ATP13A1: variants seen among roughly 807,000 people sequenced by gnomAD.
ATP13A1 encodes endoplasmic reticulum transmembrane helix translocase.
In ATP13A1, 55 loss-of-function variants were observed where a neutral mutation model predicts 134.8. The ratio of observed to expected loss-of-function variants is 0.41; its 90% confidence interval spans 0.33 to 0.51. ATP13A1 has a LOEUF of 0.51. ATP13A1 is among the 20% of genes least tolerant of loss of function. The pLI is 0.29. For missense variants in ATP13A1, 1,389 were observed against 1,652.8 expected, an observed-to-expected ratio of 0.84 and a Z score of 2.77; for synonymous variants, 775 against 725.1, an observed-to-expected ratio of 1.07 and a Z score of -1.10.
At chr19:19,649,294 A>G (rs1222031378) in intron 19 of ATP13A1, among the ~76,000 whole-genome samples, 2 of 152,176 alleles carry the variant, frequency 1.3e-5, no homozygotes, top group Non-Finnish European at 2.9e-5. Context: ...ATCTGGGGCT[A>G]TGAACCATCT....
chr19:19,662,824 A>T (rs1055898681), intron 1 of ATP13A1, among the ~76,000 whole-genome samples: 6 of 152,166 alleles, frequency 3.9e-5, no homozygotes, highest in Non-Finnish European at 8.8e-5. Flanking sequence ...AGAACCAACT[A>T]AGCTTCATAG....
At position 19,655,063 on chromosome 19, in the gene ATP13A1, C is replaced by T. The variant is rs878935364; in HGVS notation, c.1655+56G>A. 37 of 1,602,604 alleles carry T rather than the reference C, an allele frequency of 2.3e-5. No individual in the cohort carries two copies. The highest frequency in any genetic ancestry group is 6.8e-5 in the Admixed American group (4 of 59,002). ...TGGGGTGGATGGGCCACCTGTCTCT[C>T]GACTTCCCAGAAACCCCATCTGGGT... On this transcript the variant is annotated intron_variant, in intron 12 of 25. Coordinates refer to ENST00000357324, the MANE Select transcript of ATP13A1 (RefSeq NM_020410.3). This position sits in a 1 kb window ranked among gnomAD's most constrained non-coding sequence, Gnocchi z 5.7.
Position 19,647,354 on chromosome 19 carries a change from G to C in ATP13A1, c.2909-29C>G, listed in dbSNP as rs2061992558. On this transcript the variant is annotated intron_variant, in intron 21 of 25. Coordinates refer to ENST00000357324, the MANE Select transcript of ATP13A1 (RefSeq NM_020410.3). The surrounding 1 kb of genome is among the most constrained non-coding windows in gnomAD (Gnocchi z 4.8). The stretch of plus-strand genomic sequence containing the variant: ...CAGGGTGGTGGGGAGGCAGGTGTGG[G>C]TGTGGGTAGGGGTGCCAAGGGGGGA... The C allele has an allele frequency of 1.9e-6, 3 of 1,609,342 alleles. No individual in the cohort carries two copies. The African/African-American group carries it at 4.0e-5, about 22-fold the overall frequency.
At chr19:19,662,869 A>G (rs1351580282) in intron 1 of ATP13A1, among the ~76,000 whole-genome samples, 1 of 152,114 alleles carries the variant, frequency 6.6e-6, no homozygotes, top group Non-Finnish European at 1.5e-5. Flanking sequence ...CTCGCCTTAC[A>G]CTTTGAAAAC....
At chr19:19,663,159 G>T in intron 1 of ATP13A1, 112 bp downstream of exon 1, 1 of 1,463,956 alleles carries the variant, frequency 6.8e-7, no homozygotes, top group Non-Finnish European at 9.4e-7. Context: ...GGGAATCCAG[G>T]CCAGGCAGAT....
Position 19,645,293 on chromosome 19 carries a change from TCA to T in ATP13A1, c.*127_*128del. ...AGCGGATGGCTGTGGGGGTCCCAGC[TCA>T]GTCTTCCAAGGGCGAGACTGTACAG... On this transcript the variant is annotated 3_prime_UTR_variant, in exon 26 of 26. Transcript: ENST00000357324. The surrounding 1 kb of genome is among the most constrained non-coding windows in gnomAD (Gnocchi z 4.1). The T allele has an allele frequency of 9.5e-7, 1 of 1,053,782 alleles. No homozygotes were observed. The highest frequency in any genetic ancestry group is 1.4e-6 in the Non-Finnish European group (1 of 725,766). The allele number at this position is 1,053,782 out of a possible 1,614,324, so 65.3% of individuals were successfully genotyped here.
chr19:19,658,588 G>A (rs1450332292), intron 3 of ATP13A1, among the ~76,000 whole-genome samples: 1 of 152,188 alleles, frequency 6.6e-6, no homozygotes, highest in Non-Finnish European at 1.5e-5. Flanking sequence ...TGTTCTGTGG[G>A]TTTCTGGGTT....
intron 22 of ATP13A1, 135 bp from the exon 23 acceptor site, chr19:19,646,482 T>A (rs2061986807): frequency 9.3e-7 from 1 of 1,078,606 alleles, no homozygotes; most frequent in Non-Finnish European, 1.3e-6. Flanking sequence ...GGGGATTCCA[T>A]GGGTCAGCAC....
chr19:19,660,302 C>T (rs567643204), intron 1 of ATP13A1, among the ~76,000 whole-genome samples: 19 of 151,082 alleles, frequency 1.3e-4, no homozygotes, highest in Admixed American at 9.9e-4. Flanking sequence ...GCCAATGTGG[C>T]GAAACCCTGT....
chr19:19,659,510 C>T lies in ATP13A1; in HGVS notation c.677+91G>A. ...AATAGTAAATAAATAAATAAAAGGG[C>T]AGATGCCTCTGTCCCGCTTCCTAGG... On this transcript the variant is annotated intron_variant, in intron 3 of 25. Coordinates refer to ENST00000357324, the MANE Select transcript of ATP13A1 (RefSeq NM_020410.3). The T allele has an allele frequency of 2.7e-6, 2 of 748,208 alleles. 1 individual carries two copies. The highest frequency in any genetic ancestry group is 5.8e-5 in the East Asian group (2 of 34,586). The allele number at this position is 748,208 out of a possible 1,614,324, so 46.3% of individuals were successfully genotyped here.
rs2145008388 is a variant in ATP13A1, at chr19:19,655,065, A to G, written c.1655+54T>C. 3.1e-6 allele frequency: 5 copies of G among 1,605,720 alleles called. No homozygotes were observed. The East Asian group carries it at 1.1e-4, about 36-fold the overall frequency. On this transcript the variant is annotated intron_variant, in intron 12 of 25. Transcript: ENST00000357324. This position sits in a 1 kb window ranked among gnomAD's most constrained non-coding sequence, Gnocchi z 5.7. ...GGGTGGATGGGCCACCTGTCTCTCGACTTCCCAGAAACCCCATCTGGGTGA... is the reference window on the plus strand; with the variant it reads ...GGGTGGATGGGCCACCTGTCTCTCGGCTTCCCAGAAACCCCATCTGGGTGA...
At chr19:19,654,307 T>G (rs2062043411) in intron 13 of ATP13A1, among the ~76,000 whole-genome samples, 163 bp from the exon 14 acceptor site, 1 of 152,102 alleles carries the variant, frequency 6.6e-6, no homozygotes, top group African/African-American at 2.4e-5. Flanking sequence ...AGACCTGGGC[T>G]TGGAGGACCC....
In ATP13A1 at chr19:19,646,574, A is replaced by G. The variant is rs1407040771; in HGVS notation, c.3106-227T>C. 3 of 581,864 alleles carry G rather than the reference A, an allele frequency of 5.2e-6. No homozygotes were observed. The African/African-American group carries it at 5.6e-5, about 11-fold the overall frequency. 36.0% of individuals were successfully genotyped at this position (581,864 alleles called of 1,614,324 possible). ...CCCGGCTCCGCCATCCAGGCTCCCC[A>G]TGGCAGCCACAGGGGCCTGAGAATC... On this transcript the variant is annotated intron_variant, in intron 22 of 25. Transcript: ENST00000357324.
chr19:19,655,811 G>A lies in ATP13A1; in HGVS notation c.1269+67C>T, dbSNP rs1241267366. ...CCCGTGGGGCAGATGTTCTGGGGTC[G>A]GAAAGGGCTGATACCTTGGCTGTCC... On this transcript the variant is annotated intron_variant, in intron 9 of 25. Transcript: ENST00000357324. The surrounding 1 kb of genome is among the most constrained non-coding windows in gnomAD (Gnocchi z 5.7). The A allele has an allele frequency of 3.2e-6, 5 of 1,539,550 alleles. No individual in the cohort carries two copies. The African/African-American group carries it at 5.5e-5, about 17-fold the overall frequency.
Position 19,655,384 on chromosome 19 carries a change from A to G in ATP13A1, c.1466T>C (p.Val489Ala). ...CAGCTCGATGGGCAGCTCAGGAGGC[A>G]CGACCGAGGTGAGGATCAGGGTGCA... is the stretch of plus-strand genomic sequence containing the variant. ...LECTLILTSV[V>A]PPELPIELSL... Residue 489 changes from valine to alanine, a missense_variant, in exon 11 of 26, where the codon GTG (valine) becomes GCG (alanine). This residue lies in a region of ATP13A1 where 747 missense variants were observed against 956.1 expected (regional missense o/e 0.78). Transcript: ENST00000357324. The surrounding 1 kb of genome is among the most constrained non-coding windows in gnomAD (Gnocchi z 5.7). 1 of 1,613,944 alleles carries G rather than the reference A, an allele frequency of 6.2e-7. No homozygotes were observed. The highest frequency in any genetic ancestry group is 8.5e-7 in the Non-Finnish European group (1 of 1,179,872).
rs1490611865 is a variant in ATP13A1 at position 19,663,605 on chromosome 19, C to A, written c.62G>T (p.Arg21Leu). 1.4e-6 allele frequency: 2 copies of A among 1,421,944 alleles called. No individual in the cohort carries two copies. The allele number at this position is 1,421,944 out of a possible 1,614,324, so 88.1% of individuals were successfully genotyped here. A position where few individuals can be genotyped will look rare whatever the true frequency, so the allele number is the denominator to read the frequency against. Residue 21 changes from arginine (R) to leucine (L), a missense_variant, in exon 1 of 26, where the codon CGG (arginine) becomes CTG (leucine). Physicochemically the swap from Arg to Leu is moderately radical, Grantham distance 102. Around this residue, in one of 4 missense-constraint regions of ATP13A1, gnomAD observed 293 missense variants for 270.8 expected, o/e 1.08. Coordinates refer to ENST00000357324, the MANE Select transcript of ATP13A1 (RefSeq NM_020410.3). ...CCCGGGCTTGGGCTGCCCGTCAGGC[C>A]GGACCCCGCAAGGCCGGGCCCCGCA... ...VPCGARPCGVRPDGQPKPGPQ... is the reference protein window; with the variant it reads ...VPCGARPCGVLPDGQPKPGPQ...
In ATP13A1 at chr19:19,647,629, A is replaced by T; in HGVS notation, c.2763T>A (p.Pro921=). The change falls in exon 20 of 26, where the codon CCT becomes CCA. Residue 921 remains proline (P), a synonymous_variant. Transcript: ENST00000357324. This position sits in a 1 kb window ranked among gnomAD's most constrained non-coding sequence, Gnocchi z 4.8. ...GGGAGGTTGGCTGCTCCTCGGAGGGAGGGAGCCCCGACCGCTGCTTGGCTG... is the reference window on the plus strand; with the variant it reads ...GGGAGGTTGGCTGCTCCTCGGAGGGTGGGAGCCCCGACCGCTGCTTGGCTG... ...SRTAKQRSGL[P]PSEEQPTSQR... 6.2e-7 allele frequency: 1 copy of T among 1,613,150 alleles called. No individual in the cohort carries two copies. Among genetic ancestry groups the T allele is most frequent in the Non-Finnish European group, 8.5e-7 (1 of 1,179,780 alleles).
chr19:19,658,000 T>C (rs1025043300), intron 3 of ATP13A1, among the ~76,000 whole-genome samples: 1 of 151,528 alleles, frequency 6.6e-6, no homozygotes, highest in African/African-American at 2.4e-5. Flanking sequence ...AATTTAAAAA[T>C]TAGCTGGGGG....
In ATP13A1 at chr19:19,655,025, C is replaced by G. The variant is rs2062048350; in HGVS notation, c.1655+94G>C. 5 of 1,534,620 alleles carry G rather than the reference C, an allele frequency of 3.3e-6. No individual in the cohort carries two copies. Among genetic ancestry groups the G allele is most frequent in the South Asian group, 1.2e-5 (1 of 82,612 alleles). The stretch of plus-strand genomic sequence containing the variant: ...CGAGGCAGGGCCTCTGACGGGCCCT[C>G]ACTGCAAGGGCTTGGGGTGGATGGG... On this transcript the variant is annotated intron_variant, in intron 12 of 25. Coordinates refer to ENST00000357324, the MANE Select transcript of ATP13A1 (RefSeq NM_020410.3). This position sits in a 1 kb window ranked among gnomAD's most constrained non-coding sequence, Gnocchi z 5.7.
Sources: allele counts gnomAD v4.1 joint callset (sites outside exome capture counted in the v4.1 genomes callset), GRCh38; gene constraint gnomAD v4.1.1; regional missense constraint gnomAD v4.1.1; non-coding constraint Gnocchi (gnomAD v3.1); transcripts MANE v1.5; gene names NCBI Gene and HGNC (gene_info 2026-07-23, HGNC 2026-07-21).